Variants in MMAA observed in about 807,000 individuals in gnomAD.
MMAA encodes the protein metabolism of cobalamin associated A.
A neutral mutation model predicts 45.0 loss-of-function variants in MMAA; 41 were observed. The ratio of observed to expected loss-of-function variants is 0.91; its 90% CI spans 0.71 to 1.18. The LOEUF is 1.18. MMAA is among the 50% of genes most tolerant of loss of function. The pLI is 0.00. For synonymous variants in MMAA, 154 were observed against 178.2 expected, an observed-to-expected ratio of 0.86 and a Z score of 1.08; for missense variants, 460 against 495.7, an observed-to-expected ratio of 0.93 and a Z score of 0.68.
chr4:145,646,271 A>G lies in MMAA; in HGVS notation c.733+115A>G, dbSNP rs975980557. ...ATATTTGCTAAATGTATAATTAAAT[A>G]CAAGATATCCCATACTCCCTAGAAG... On this transcript the variant is annotated intron_variant, in intron 4 of 6. Coordinates refer to ENST00000649156, the MANE Select transcript of MMAA (RefSeq NM_172250.3). 24 of 1,152,440 alleles carry G rather than the reference A, an allele frequency of 2.1e-5. No homozygotes were observed. In the Admixed American group the frequency reaches 4.3e-4, roughly 21 times the overall value. 71.4% of individuals were successfully genotyped at this position (1,152,440 alleles called of 1,614,324 possible).
chr4:145,642,758 G>T lies in MMAA; in HGVS notation c.562+273G>T, dbSNP rs186360425. The T allele has an allele frequency of 2.5e-4, 106 of 428,810 alleles. 1 individual carries two copies. The East Asian group carries it at 5.1e-3, about 21-fold the overall frequency. 26.6% of individuals were successfully genotyped at this position (428,810 alleles called of 1,614,324 possible). ...TGAAGATGATCAAATGCAAATTTCA[G>T]TCCTTCAGCTTCCATGCATAAGGCC... is the stretch of plus-strand genomic sequence containing the variant. On this transcript the variant is annotated intron_variant, in intron 3 of 6. Coordinates refer to ENST00000649156, the MANE Select transcript of MMAA (RefSeq NM_172250.3).
At chr4:145,650,678 G>T (rs1191502769) in intron 4 of MMAA, 7 of 262,390 alleles carry the variant, frequency 2.7e-5, no homozygotes, top group Non-Finnish European at 5.2e-5. Flanking sequence ...TTGGGCGTTT[G>T]CAGGCAAGTA....
At chr4:145,648,148 T>G (rs1483071560) in intron 4 of MMAA, among the ~76,000 whole-genome samples, 3 of 128,458 alleles carry the variant, frequency 2.3e-5, no homozygotes, top group African/African-American at 6.0e-5. Flanking sequence ...GTGCCTGGCC[T>G]TTTTTTTTTT....
At chr4:145,647,482 A>T (rs574503225) in intron 4 of MMAA, among the ~76,000 whole-genome samples, 4 of 152,376 alleles carry the variant, frequency 2.6e-5, no homozygotes, top group Admixed American at 2.0e-4. Context: ...GAAGATATTT[A>T]TATTAATCTG....
Position 145,639,397 on chromosome 4 carries a change from G to A in MMAA, c.258G>A (p.Val86=), listed in dbSNP as rs1240108337. 7 of 1,614,012 alleles carry A rather than the reference G, an allele frequency of 4.3e-6. No individual in the cohort carries two copies. Among genetic ancestry groups the A allele is most frequent in the Non-Finnish European group, 5.9e-6 (7 of 1,180,038 alleles). The change falls in exon 2 of 7, where the codon GTG becomes GTA. Residue 86 remains valine (V), a synonymous_variant. Transcript: ENST00000649156. ...TTTCTGATAAAGAGCAAAGATTTGTGGATAAACTTTATACTGGTTTAATCC... is the reference window on the plus strand; with the variant it reads ...TTTCTGATAAAGAGCAAAGATTTGTAGATAAACTTTATACTGGTTTAATCC... The part of the protein sequence containing the change: ...EGLSDKEQRF[V]DKLYTGLIQG...
At chr4:145,625,366 G>A in intron 1 of MMAA, 2 of 702,304 alleles carry the variant, frequency 2.8e-6, no homozygotes, top group East Asian at 3.0e-5. Context: ...GCCAGTCCTG[G>A]GGGTTGGTGC....
Position 145,639,523 on chromosome 4 carries a change from T to C in MMAA, c.384T>C (p.Leu128=). The part of the protein sequence containing the change: ...LAQVLLQKVL[L]YHREQEQSNK... ...AGGTGCTTCTTCAGAAAGTATTACT[T>C]TACCACAGAGAACAAGAACAATCAA... The change falls in exon 2 of 7, where the codon CTT becomes CTC. Residue 128 remains leucine (L), a synonymous_variant. Transcript: ENST00000649156. 1.2e-6 allele frequency: 2 copies of C among 1,613,418 alleles called. No individual in the cohort carries two copies. The highest frequency in any genetic ancestry group is 4.5e-5 in the East Asian group (2 of 44,870).
chr4:145,624,369 T>A, intron 1 of MMAA: 1 of 783,174 alleles, frequency 1.3e-6, no homozygotes. Flanking sequence ...GTTGCCCATC[T>A]TCTTTCCCAG....
chr4:145,624,918 C>G, intron 1 of MMAA: 1 of 1,460,292 alleles, frequency 6.8e-7, no homozygotes, highest in Non-Finnish European at 9.6e-7. Flanking sequence ...GTCATGCAGG[C>G]ACTTAGATTG....
At chr4:145,639,861 C>G (rs1727733333) in intron 2 of MMAA, 1 of 979,714 alleles carries the variant, frequency 1.0e-6, no homozygotes, top group Admixed American at 6.2e-5. Flanking sequence ...ATAGGAAGAA[C>G]TACTAGTGAG....
chr4:145,624,797 C>G (rs563408841), intron 1 of MMAA: 15 of 1,605,974 alleles, frequency 9.3e-6, no homozygotes, highest in Non-Finnish European at 1.3e-5. Flanking sequence ...TTATGCAGGG[C>G]TCATTGGCTC....
In MMAA at chr4:145,639,512, A is replaced by G. The variant is rs1727722684; in HGVS notation, c.373A>G (p.Lys125Glu). ...KKELAQVLLQKVLLYHREQEQ... is the reference protein window; with the variant it reads ...KKELAQVLLQEVLLYHREQEQ... ...GGAGTTAGCCCAGGTGCTTCTTCAG[A>G]AAGTATTACTTTACCACAGAGAACA... Residue 125 changes from lysine (K) to glutamate (E), a missense_variant, in exon 2 of 7, where the codon AAA becomes GAA. By Grantham distance (56) the Lys-to-Glu change is moderately conservative. Transcript: ENST00000649156. 2 of 1,613,938 alleles carry G rather than the reference A, an allele frequency of 1.2e-6. No homozygotes were observed. Among genetic ancestry groups the G allele is most frequent in the East Asian group, 2.2e-5 (1 of 44,874 alleles).
chr4:145,619,668 A>G (rs1734052315), intron 1 of MMAA, among the ~76,000 whole-genome samples: 1 of 152,226 alleles, frequency 6.6e-6, no homozygotes, highest in Non-Finnish European at 1.5e-5. Flanking sequence ...ACAGTGTTTT[A>G]AAATTCTCAT....
chr4:145,639,611 A>G (rs1727727101), intron 2 of MMAA, 33 bp downstream of exon 2: 19 of 1,586,154 alleles, frequency 1.2e-5, no homozygotes, highest in Non-Finnish European at 1.6e-5. Context: ...CTCAGTAAAT[A>G]TTTTTACAAA....
At chr4:145,621,599 G>T (rs550490565) in intron 1 of MMAA, among the ~76,000 whole-genome samples, 4 of 152,212 alleles carry the variant, frequency 2.6e-5, no homozygotes, top group Admixed American at 6.5e-5. Flanking sequence ...GGTTGGGGGG[G>T]GTGGAATATG....
At chr4:145,621,684 G>T (rs1051950046) in intron 1 of MMAA, among the ~76,000 whole-genome samples, 1 of 152,168 alleles carries the variant, frequency 6.6e-6, no homozygotes, top group African/African-American at 2.4e-5. Flanking sequence ...GAAACACTTG[G>T]TACAACACTG....
At chr4:145,626,147 G>T in intron 1 of MMAA, 3 of 491,326 alleles carry the variant, frequency 6.1e-6, no homozygotes, top group South Asian at 4.8e-5. Context: ...TTCGATTATT[G>T]ATCTAGTTCT....
At chr4:145,632,605 CTTCCTCTT>C (rs1727479966) in intron 1 of MMAA, among the ~76,000 whole-genome samples, 1 of 152,164 alleles carries the variant, frequency 6.6e-6, no homozygotes, top group Non-Finnish European at 1.5e-5. Context: ...TCTTTTTCTA[CTTCCTCTT>C]TTCCTCTTTA....
intron 1 of MMAA, chr4:145,625,092 C>T (rs1578868578): frequency 1.0e-6 from 1 of 993,970 alleles, no homozygotes; most frequent in African/African-American, 1.6e-5. Context: ...TTATGGGATT[C>T]CTGGAGAGTC....
Sources: gnomAD v4.1 joint callset for allele counts (sites outside exome capture counted in the v4.1 genomes callset) on GRCh38, gnomAD v4.1.1 for gene constraint, MANE v1.5 for transcripts, NCBI Gene and HGNC (gene_info 2026-07-23, HGNC 2026-07-21) for gene names.